Variants in TP53BP1 observed in about 807,000 individuals in gnomAD.
The protein encoded by TP53BP1 is TP53-binding protein 1.
TP53BP1 carries 61 observed loss-of-function variants against 200.8 expected under a neutral mutation model. The observed-to-expected ratio is 0.30, with a 90% CI of 0.25 to 0.38. The LOEUF (loss-of-function observed/expected upper bound fraction) is 0.38, where lower values mean the gene tolerates loss of function less well. Among genes scored for constraint, TP53BP1 ranks in the 10% least tolerant of loss-of-function variants. The pLI is 1.00. For missense variants in TP53BP1, 2,144 were observed against 2,371.9 expected (o/e 0.90, Z 2.00); for synonymous variants, 822 against 844.3 (o/e 0.97, Z 0.46).
At chr15:43,421,310 C>A in intron 19 of TP53BP1, 136 bp from the exon 20 acceptor site, 2 of 807,198 alleles carry the variant, frequency 2.5e-6, no homozygotes, top group South Asian at 3.6e-5. Context: ...CTGGTTCACA[C>A]ACCCACCACC....
chr15:43,486,528 T>A (rs1595621812), intron 4 of TP53BP1, among the ~76,000 whole-genome samples: 2 of 152,284 alleles, frequency 1.3e-5, no homozygotes, highest in South Asian at 4.1e-4. Context: ...CCCAAAGAAG[T>A]AAAACCATAA....
chr15:43,483,233 AACACACACACACACACAC>A lies in TP53BP1; in HGVS notation c.372-2229_372-2212del, dbSNP rs71431896. On this transcript the variant is annotated intron_variant, in intron 4 of 27. Transcript: ENST00000382044. ...ATTAATCCTCCCCAAAAAAGTACAG[AACACACACACACACACAC>A]ACACACACACACACACACACAGAAC... Among the ~76,000 whole-genome samples, 1,348 of 142,820 alleles carry A rather than the reference AACACACACACACACACAC, an allele frequency of 9.4e-3. 22 individuals are homozygous for A. Among genetic ancestry groups the A allele is most frequent in the African/African-American group, 0.034 (1,281 of 38,162 alleles). 93.7% of individuals were successfully genotyped at this position (142,820 alleles called of 152,430 possible). A position where few individuals can be genotyped will look rare whatever the true frequency, so the allele number is the denominator to read the frequency against.
chr15:43,425,709 C>G (rs1566925155), intron 18 of TP53BP1, among the ~76,000 whole-genome samples: 1 of 152,174 alleles, frequency 6.6e-6, no homozygotes. Flanking sequence ...TTAATGTGGA[C>G]TACAACAGTT....
chr15:43,414,191 G>A (rs1566915909), intron 23 of TP53BP1: 9 of 445,110 alleles, frequency 2.0e-5, no homozygotes, highest in Non-Finnish European at 2.7e-5. Context: ...GGAATTAGAA[G>A]TGAAGACCAC....
chr15:43,448,625 C>T (rs1210880586), intron 12 of TP53BP1, among the ~76,000 whole-genome samples: 1 of 151,806 alleles, frequency 6.6e-6, no homozygotes, highest in Non-Finnish European at 1.5e-5. Flanking sequence ...CTGCCAGCTC[C>T]GCCTCCCGGG....
rs1260488286 is a variant in TP53BP1 at position 43,447,452 on chromosome 15, C to T, written c.2750G>A (p.Gly917Asp). The T allele has an allele frequency of 1.7e-5, 26 of 1,554,076 alleles. No individual in the cohort carries two copies. The highest frequency in any genetic ancestry group is 2.1e-5 in the Non-Finnish European group (24 of 1,155,444). The change falls in exon 13 of 28, where the codon GGT becomes GAT. Residue 917 changes from glycine (G) to aspartate (D), a missense_variant. Gly to Asp is a moderately conservative substitution (Grantham distance 94, BLOSUM62 -1). Transcript: ENST00000382044. ...TPFHFTLPKE[G>D]DIIPPLTGAT... ...ACCAGTCAATGGTGGGATGATATCA[C>T]CTTCTTTAGGCAAAGTGAAATGAAA...
chr15:43,413,008 C>T lies in TP53BP1; in HGVS notation c.5305+111G>A, dbSNP rs2045162511. The T allele has an allele frequency of 5.2e-6, 5 of 954,878 alleles. No individual in the cohort carries two copies. In the South Asian group the frequency reaches 8.0e-5, roughly 15 times the overall value. The allele number at this position is 954,878 out of a possible 1,614,324, so 59.2% of individuals were successfully genotyped here. On this transcript the variant is annotated intron_variant, in intron 24 of 27. Coordinates refer to ENST00000382044, the MANE Select transcript of TP53BP1 (RefSeq NM_001141980.3). The stretch of plus-strand genomic sequence containing the variant: ...ATTTCTGTGACCAAGATCCCAGTTG[C>T]TACTTGCCTTGCCTCCTCTACATAC...
intron 1 of TP53BP1, among the ~76,000 whole-genome samples, chr15:43,508,218 G>A (rs2140189703): frequency 6.6e-6 from 1 of 152,234 alleles, no homozygotes; most frequent in East Asian, 1.9e-4. Flanking sequence ...AAATTAGCTG[G>A]GCATGGTGGC....
intron 11 of TP53BP1, among the ~76,000 whole-genome samples, chr15:43,465,154 T>A (rs2046541196): frequency 6.6e-6 from 1 of 151,992 alleles, no homozygotes; most frequent in Non-Finnish European, 1.5e-5. Flanking sequence ...GAAAGTAGAC[T>A]GGTGTCTACT....
chr15:43,405,411 C>T lies in TP53BP1; in HGVS notation c.*1972G>A. On this transcript the variant is annotated 3_prime_UTR_variant, in exon 28 of 28. Transcript: ENST00000382044. ...TCATTCCCATGTGGAAGGGTCTCTC[C>T]CATCAAGGAGAACATGTGGCATCTC... The T allele has an allele frequency of 1.6e-6, 1 of 617,708 alleles. No homozygotes were observed. The highest frequency in any genetic ancestry group is 2.9e-6 in the Non-Finnish European group (1 of 348,552). The allele number at this position is 617,708 out of a possible 1,614,324, so 38.3% of individuals were successfully genotyped here.
intron 11 of TP53BP1, among the ~76,000 whole-genome samples, chr15:43,459,014 T>A (rs1448008156): frequency 6.6e-6 from 1 of 152,072 alleles, no homozygotes; most frequent in African/African-American, 2.4e-5. Flanking sequence ...AAGATGTGCA[T>A]CCAAATGATC....
chr15:43,499,221 C>A (rs532468717), intron 1 of TP53BP1, among the ~76,000 whole-genome samples: 1 of 151,914 alleles, frequency 6.6e-6, no homozygotes, highest in African/African-American at 2.4e-5. Context: ...CATAAAGTAA[C>A]GTCTACGTAC....
rs766174766 is a variant in TP53BP1 at position 43,404,554 on chromosome 15, T to C, written c.*2829A>G. On this transcript the variant is annotated 3_prime_UTR_variant, in exon 28 of 28. Coordinates refer to ENST00000382044, the MANE Select transcript of TP53BP1 (RefSeq NM_001141980.3). Reference sequence around the variant, plus strand: ...CCAGGCTGGTGGAACTCTGGGCAGGTAGGAGCAACCCTTGGGTAACTCAGT... The same window carrying C: ...CCAGGCTGGTGGAACTCTGGGCAGGCAGGAGCAACCCTTGGGTAACTCAGT... The C allele has an allele frequency of 8.7e-6, 14 of 1,613,962 alleles. No individual in the cohort carries two copies. Among genetic ancestry groups the C allele is most frequent in the Non-Finnish European group, 4.2e-6 (5 of 1,179,974 alleles).
intron 3 of TP53BP1, 95 bp from the exon 4 acceptor site, chr15:43,491,848 C>T: frequency 1.7e-6 from 2 of 1,159,716 alleles, no homozygotes; most frequent in East Asian, 2.3e-5. Context: ...TAATCAGTGA[C>T]ACTAGCACAT....
Position 43,421,044 on chromosome 15 carries a change from A to C in TP53BP1, c.4231T>G (p.Ser1411Ala), listed in dbSNP as rs1024835047. Residue 1411 changes from serine to alanine, a missense_variant, in exon 20 of 28, where the codon TCT becomes GCT. Ser to Ala is a moderately conservative substitution (Grantham distance 99). This residue lies in a region of TP53BP1 where 1,700 missense variants were observed against 1,710.3 expected (regional missense o/e 0.99). Transcript: ENST00000382044. Reference sequence around the variant, plus strand: ...AGGTACCTGGTTCCAGTGGTCCGAGAAGGTGGGCGGCCCCTTCGCCCACGC... The same window carrying C: ...AGGTACCTGGTTCCAGTGGTCCGAGCAGGTGGGCGGCCCCTTCGCCCACGC... ...RGRGRRGRPP[S>A]RTTGTRETAV... is the part of the protein sequence containing the mutation. The C allele has an allele frequency of 1.9e-6, 3 of 1,613,476 alleles. No individual in the cohort carries two copies. In the South Asian group the frequency reaches 3.3e-5, roughly 18 times the overall value.
intron 1 of TP53BP1, among the ~76,000 whole-genome samples, chr15:43,501,335 C>T (rs945123691): frequency 6.6e-6 from 1 of 151,882 alleles, no homozygotes; most frequent in Non-Finnish European, 1.5e-5. Flanking sequence ...CCAGCTCAGT[C>T]TCCTCGGGGC....
intron 15 of TP53BP1, among the ~76,000 whole-genome samples, chr15:43,440,863 T>C (rs1332907766): frequency 6.6e-6 from 1 of 152,176 alleles, no homozygotes; most frequent in Non-Finnish European, 1.5e-5. Flanking sequence ...CACTCCAGCC[T>C]GGGCAACAGA....
chr15:43,493,323 T>G (rs917323419), upstream of TP53BP1, among the ~76,000 whole-genome samples: 2 of 151,996 alleles, frequency 1.3e-5, no homozygotes, highest in African/African-American at 4.8e-5. Flanking sequence ...TTGCAGGCCC[T>G]CCCCTTTAGT....
At chr15:43,420,960 C>G in intron 20 of TP53BP1, 65 bp downstream of exon 20, 1 of 1,550,954 alleles carries the variant, frequency 6.4e-7, no homozygotes, top group South Asian at 1.2e-5. Flanking sequence ...ACTCTCTACT[C>G]CCCTCTCCTC....
Sources: allele counts gnomAD v4.1 joint callset (sites outside exome capture counted in the v4.1 genomes callset), GRCh38; gene constraint gnomAD v4.1.1; regional missense constraint gnomAD v4.1.1; transcripts MANE v1.5; gene names NCBI Gene and HGNC (gene_info 2026-07-23, HGNC 2026-07-21).